KCNQ5: variants seen among roughly 807,000 people sequenced by gnomAD.
KCNQ5 encodes potassium voltage-gated channel subfamily Q member 5.
In KCNQ5, 30 loss-of-function variants were observed where a neutral mutation model predicts 98.2. The ratio of observed to expected loss-of-function variants is 0.31; its 90% CI spans 0.23 to 0.41. The LOEUF is 0.41. Ranked by LOEUF, KCNQ5 falls within the 10% of genes least tolerant of loss-of-function variation. KCNQ5 has a pLI of 1.00. For missense variants in KCNQ5, 835 were observed against 1,182.5 expected (o/e 0.71, Z 4.31); for synonymous variants, 458 against 449.4 (o/e 1.02, Z -0.24).
intron 1 of KCNQ5, among the ~76,000 whole-genome samples, chr6:72,654,262 G>A (rs1352445741): frequency 6.6e-6 from 1 of 151,876 alleles, no homozygotes. Flanking sequence ...GTGATACTAA[G>A]TTGTGTTTGG....
At chr6:72,681,953 A>T (rs549253402) in intron 1 of KCNQ5, among the ~76,000 whole-genome samples, 2 of 152,312 alleles carry the variant, frequency 1.3e-5, no homozygotes, top group East Asian at 3.9e-4. Flanking sequence ...GGGGAACTGG[A>T]AAAATCCTGG....
At chr6:72,915,017 TAGAGAG>T (rs1464080584) in intron 1 of KCNQ5, among the ~76,000 whole-genome samples, 1 of 151,824 alleles carries the variant, frequency 6.6e-6, no homozygotes, top group Non-Finnish European at 1.5e-5. Flanking sequence ...AAAAAAGATA[TAGAGAG>T]AAAGTTACAA....
intron 1 of KCNQ5, among the ~76,000 whole-genome samples, chr6:72,851,379 G>A (rs1777248693): frequency 6.6e-6 from 1 of 152,048 alleles, no homozygotes; most frequent in Admixed American, 6.6e-5. Context: ...CATCAGTCAG[G>A]AACTGAGCTC....
At chr6:72,757,998 T>C (rs1462027085) in intron 1 of KCNQ5, among the ~76,000 whole-genome samples, 1 of 151,898 alleles carries the variant, frequency 6.6e-6, no homozygotes, top group Non-Finnish European at 1.5e-5. Context: ...TGCTCCCAAG[T>C]GGTTTCCAGT....
chr6:72,946,056 G>A (rs947064086), intron 1 of KCNQ5, among the ~76,000 whole-genome samples: 3 of 152,122 alleles, frequency 2.0e-5, no homozygotes, highest in Non-Finnish European at 4.4e-5. Context: ...CAAAGGTCAC[G>A]TCTTCTCACG....
intron 5 of KCNQ5, among the ~76,000 whole-genome samples, chr6:73,103,659 C>T (rs1562180612): frequency 6.6e-6 from 1 of 151,742 alleles, no homozygotes; most frequent in Non-Finnish European, 1.5e-5. Flanking sequence ...AACAGTTAAA[C>T]TCACAAAGAT....
intron 2 of KCNQ5, among the ~76,000 whole-genome samples, chr6:73,037,905 C>CA (rs1264829705): frequency 3.3e-5 from 5 of 151,650 alleles, no homozygotes; most frequent in Non-Finnish European, 5.9e-5. Context: ...ATCTACCCCC[C>CA]AAAAAAAACT....
intron 1 of KCNQ5, among the ~76,000 whole-genome samples, chr6:72,988,708 G>A (rs1350186270): frequency 2.3e-5 from 3 of 127,854 alleles, no homozygotes; most frequent in Non-Finnish European, 4.9e-5. Flanking sequence ...ACATTGTGCA[G>A]GTTAGTTACA....
chr6:73,053,744 AG>A (rs1437255477), intron 3 of KCNQ5, among the ~76,000 whole-genome samples: 1 of 152,162 alleles, frequency 6.6e-6, no homozygotes, highest in Admixed American at 6.5e-5. Flanking sequence ...TACATCAAAA[AG>A]TTAGAAAGAT....
At chr6:73,158,412 G>A (rs1777471147) in intron 10 of KCNQ5, among the ~76,000 whole-genome samples, 1 of 151,730 alleles carries the variant, frequency 6.6e-6, no homozygotes, top group Non-Finnish European at 1.5e-5. Context: ...GACTACAGGC[G>A]CCCACCACCA....
In KCNQ5 at chr6:72,735,686, A is replaced by G. The variant is rs536513821; in HGVS notation, c.398+113099A>G. On this transcript the variant is annotated intron_variant, in intron 1 of 13. Transcript: ENST00000370398. ...TTCCTCTAGATTTAGAATTCAGATT[A>G]CTATTGGTGACTAGTAGTTAGAAGG... 3.3e-5 allele frequency among the ~76,000 whole-genome samples: 5 copies of G among 152,196 alleles called. No individual in the cohort carries two copies. The South Asian group carries it at 1.0e-3, about 32-fold the overall frequency.
At chr6:72,854,721 TACACACACACACACACAC>T (rs59899899) in intron 1 of KCNQ5, among the ~76,000 whole-genome samples, 1 of 126,824 alleles carries the variant, frequency 7.9e-6, no homozygotes. Flanking sequence ...TCTTTCTTTG[TACACACACACACACACAC>T]ACACACACAC....
intron 2 of KCNQ5, among the ~76,000 whole-genome samples, chr6:73,032,739 T>A (rs1771206440): frequency 6.6e-6 from 1 of 152,118 alleles, no homozygotes. Flanking sequence ...GTGTTTATGA[T>A]TCATACATGA....
intron 1 of KCNQ5, among the ~76,000 whole-genome samples, chr6:72,776,238 T>C (rs1773158018): frequency 1.3e-5 from 2 of 152,206 alleles, no homozygotes; most frequent in South Asian, 4.1e-4. Context: ...TAACAGAATA[T>C]ATAGGTAGAA....
At chr6:73,157,714 C>T in intron 10 of KCNQ5, 1 of 776,732 alleles carries the variant, frequency 1.3e-6, no homozygotes, top group Non-Finnish European at 2.4e-6. Context: ...CAGAGCAGCC[C>T]CCATCAGGTC....
intron 2 of KCNQ5, among the ~76,000 whole-genome samples, chr6:73,008,823 T>C (rs1204701920): frequency 1.3e-5 from 2 of 152,194 alleles, no homozygotes; most frequent in African/African-American, 2.4e-5. Flanking sequence ...ATGTTATTCA[T>C]ATGCCATTAT....
At chr6:72,823,299 G>A (rs1352836273) in intron 1 of KCNQ5, among the ~76,000 whole-genome samples, 1 of 152,068 alleles carries the variant, frequency 6.6e-6, no homozygotes, top group East Asian at 1.9e-4. Context: ...TTACCACATA[G>A]TCTTAATACA....
intron 3 of KCNQ5, among the ~76,000 whole-genome samples, chr6:73,051,534 G>C (rs1036942496): frequency 6.6e-6 from 1 of 152,026 alleles, no homozygotes; most frequent in African/African-American, 2.4e-5. Flanking sequence ...TAACCTCAAG[G>C]GGCCAGAGAA....
chr6:72,764,557 G>A (rs757855135), intron 1 of KCNQ5, among the ~76,000 whole-genome samples: 3 of 151,836 alleles, frequency 2.0e-5, no homozygotes, highest in East Asian at 1.9e-4. Context: ...AAATAAGCAC[G>A]TCACGAAGAA....
Sources: gnomAD v4.1 joint callset for allele counts (sites outside exome capture counted in the v4.1 genomes callset) on GRCh38, gnomAD v4.1.1 for gene constraint, MANE v1.5 for transcripts, NCBI Gene and HGNC (gene_info 2026-07-23, HGNC 2026-07-21) for gene names.